TOMM20L: variants seen among roughly 807,000 people sequenced by gnomAD.
TOMM20L encodes the protein translocase of outer mitochondrial membrane 20 like.
In TOMM20L, 19 loss-of-function variants were observed where a neutral mutation model predicts 20.4. The observed-to-expected ratio is 0.93, with a 90% CI of 0.65 to 1.36. The LOEUF (loss-of-function observed/expected upper bound fraction) is 1.36. Ranked by LOEUF, TOMM20L falls within the 40% of genes most tolerant of loss-of-function variation. The probability of loss-of-function intolerance (pLI) is 0.00; values close to 1 mark genes in which losing one functional copy is unlikely to be tolerated. For missense variants in TOMM20L, 218 were observed against 203.7 expected, an observed-to-expected ratio of 1.07 and a Z score of -0.43; for synonymous variants, 75 against 79.6, an observed-to-expected ratio of 0.94 and a Z score of 0.30.
chr14:58,407,192 T>G (rs2036072485), intron 3 of TOMM20L, 134 bp from the exon 4 acceptor site: 1 of 790,978 alleles, frequency 1.3e-6, no homozygotes, highest in East Asian at 2.8e-5. Context: ...TACTCTACTC[T>G]TCACAAGACT....
At chr14:58,409,121 T>C (rs749839378), downstream of TOMM20L, 16 of 1,613,774 alleles carry the variant, frequency 9.9e-6, no homozygotes, top group African/African-American at 1.3e-5. Context: ...TGGATATTCT[T>C]TGTGTCATTT....
intron 2 of TOMM20L, among the ~76,000 whole-genome samples, chr14:58,400,542 C>T (rs2035981499): frequency 6.6e-6 from 1 of 151,804 alleles, no homozygotes; most frequent in East Asian, 1.9e-4. Context: ...TGTAAAGTTC[C>T]TAGTTTATAG....
chr14:58,413,113 G>T (rs374863245), downstream of TOMM20L, among the ~76,000 whole-genome samples: 1 of 151,912 alleles, frequency 6.6e-6, no homozygotes, highest in Non-Finnish European at 1.5e-5. Flanking sequence ...GACATTTTAC[G>T]TTCCTTTTCT....
intron 3 of TOMM20L, among the ~76,000 whole-genome samples, chr14:58,403,833 G>A (rs1047555588): frequency 1.3e-5 from 2 of 151,210 alleles, no homozygotes; most frequent in African/African-American, 4.9e-5. Flanking sequence ...GCGAGACTCC[G>A]GCTCAAAAAT....
At chr14:58,402,952 G>T (rs1458000724) in intron 3 of TOMM20L, among the ~76,000 whole-genome samples, 191 bp downstream of exon 3, 1 of 152,200 alleles carries the variant, frequency 6.6e-6, no homozygotes, top group Non-Finnish European at 1.5e-5. Flanking sequence ...TGCTCAAGTC[G>T]TAGACTTGGA....
At chr14:58,414,317 G>C in the TOMM20L span, among the ~76,000 whole-genome samples, 1 of 152,104 alleles carries the variant, frequency 6.6e-6, no homozygotes, top group Non-Finnish European at 1.5e-5. Context: ...TTAGGACAAA[G>C]TGTATGCCAC....
intron 2 of TOMM20L, among the ~76,000 whole-genome samples, 184 bp from the exon 3 acceptor site, chr14:58,402,496 C>G (rs2036004281): frequency 6.6e-6 from 1 of 152,072 alleles, no homozygotes; most frequent in African/African-American, 2.4e-5. Context: ...CCATGTTGGT[C>G]AGGCTGGTCT....
chr14:58,408,062 C>A (rs997454779), intron 4 of TOMM20L, among the ~76,000 whole-genome samples: 9 of 152,184 alleles, frequency 5.9e-5, no homozygotes, highest in Non-Finnish European at 1.2e-4. Flanking sequence ...TAACAGTCAA[C>A]TCTTAAACAT....
intron 2 of TOMM20L, among the ~76,000 whole-genome samples, chr14:58,396,976 C>T (rs2035934831): frequency 6.6e-6 from 1 of 152,156 alleles, no homozygotes; most frequent in African/African-American, 2.4e-5. Flanking sequence ...TGCCTGTAGT[C>T]TCAGCTACTT....
chr14:58,410,813 T>C (rs193180714), downstream of TOMM20L: 76 of 1,505,626 alleles, frequency 5.0e-5, no homozygotes, highest in East Asian at 5.0e-4. Flanking sequence ...TGAAGGCTTG[T>C]AGAATTTTAG....
downstream of TOMM20L, among the ~76,000 whole-genome samples, chr14:58,409,764 G>A (rs2036152092): frequency 6.6e-6 from 1 of 151,742 alleles, no homozygotes; most frequent in South Asian, 2.1e-4. Context: ...ATTTTTAGTA[G>A]AGACGGGGTT....
At chr14:58,409,814 G>A (rs985549338), downstream of TOMM20L, among the ~76,000 whole-genome samples, 6 of 151,914 alleles carry the variant, frequency 3.9e-5, no homozygotes, top group South Asian at 2.1e-4. Context: ...TCCTGACCTC[G>A]TGATCCGCCT....
downstream of TOMM20L, chr14:58,409,131 T>G: frequency 6.2e-7 from 1 of 1,613,912 alleles, no homozygotes; most frequent in Non-Finnish European, 8.5e-7. Flanking sequence ...TTGTGTCATT[T>G]TTAAATATTT....
intron 3 of TOMM20L, among the ~76,000 whole-genome samples, chr14:58,403,231 G>A (rs1318507055): frequency 4.6e-5 from 7 of 152,150 alleles, no homozygotes; most frequent in African/African-American, 1.7e-4. Context: ...CATGGCATGT[G>A]CCTGTAGTCC....
At chr14:58,408,981 A>C (rs979035102), downstream of TOMM20L, 23 of 1,586,198 alleles carry the variant, frequency 1.5e-5, no homozygotes, top group Non-Finnish European at 1.7e-5. Flanking sequence ...CCTCATTTCC[A>C]ATAAAGCAGC....
chr14:58,399,288 A>G (rs1310591870), intron 2 of TOMM20L, among the ~76,000 whole-genome samples: 3 of 152,182 alleles, frequency 2.0e-5, no homozygotes, highest in African/African-American at 4.8e-5. Flanking sequence ...TTCCCAAAGT[A>G]TGGTCCATTG....
chr14:58,415,862 AC>A, the TOMM20L span, among the ~76,000 whole-genome samples: 1 of 152,094 alleles, frequency 6.6e-6, no homozygotes, highest in African/African-American at 2.4e-5. Context: ...AGCTGAACAA[AC>A]CCCAAACAGC....
chr14:58,408,423 A>T (rs2036100873), intron 4 of TOMM20L, 106 bp from the exon 5 acceptor site: 1 of 1,101,618 alleles, frequency 9.1e-7, no homozygotes, highest in Admixed American at 2.3e-5. Context: ...GTCTCAAAAA[A>T]AAAAAAAAAG....
intron 2 of TOMM20L, among the ~76,000 whole-genome samples, chr14:58,399,993 A>T (rs1203982128): frequency 2.1e-5 from 3 of 141,654 alleles, no homozygotes; most frequent in Non-Finnish European, 4.5e-5. Context: ...TACCCAGGTT[A>T]TTGTAATAGT....
Sources: gnomAD v4.1 joint callset for allele counts (sites outside exome capture counted in the v4.1 genomes callset) on GRCh38, gnomAD v4.1.1 for gene constraint, MANE v1.5 for transcripts, NCBI Gene and HGNC (gene_info 2026-07-23, HGNC 2026-07-21) for gene names.